Variants in ACSM6 observed in about 807,000 individuals in gnomAD.
ACSM6 encodes the protein acyl-coenzyme A synthetase ACSM6, mitochondrial.
ACSM6 carries 35 observed loss-of-function variants against 51.1 expected under a neutral mutation model. The observed-to-expected ratio is 0.69, with a 90% CI of 0.52 to 0.91. ACSM6 has a LOEUF of 0.91. ACSM6 is among the 40% of genes least tolerant of loss of function. The pLI is 0.00. For missense variants in ACSM6, 509 were observed against 584.1 expected, an observed-to-expected ratio of 0.87 and a Z score of 1.32; for synonymous variants, 172 against 207.3, an observed-to-expected ratio of 0.83 and a Z score of 1.46.
intron 4 of ACSM6, among the ~76,000 whole-genome samples, chr10:95,208,429 T>C (rs1187365226): frequency 2.6e-5 from 4 of 152,156 alleles, no homozygotes; most frequent in Admixed American, 6.5e-5. Flanking sequence ...CATATATATA[T>C]GCAATATCCA....
At chr10:95,214,656 G>C (rs2034925896) in intron 7 of ACSM6, among the ~76,000 whole-genome samples, 196 bp from the exon 8 acceptor site, 2 of 152,154 alleles carry the variant, frequency 1.3e-5, no homozygotes, top group Non-Finnish European at 2.9e-5. Context: ...GTAAATGAGA[G>C]TCTTCATGGA....
chr10:95,200,403 C>T (rs751516363), intron 2 of ACSM6, among the ~76,000 whole-genome samples: 36 of 151,222 alleles, frequency 2.4e-4, no homozygotes, highest in African/African-American at 6.6e-4. Context: ...TGCTGAATGA[C>T]GAGTTAATGG....
intron 3 of ACSM6, among the ~76,000 whole-genome samples, chr10:95,206,575 G>A (rs2034840751): frequency 6.6e-6 from 1 of 152,182 alleles, no homozygotes; most frequent in Non-Finnish European, 1.5e-5. Context: ...GTAGTTGGGA[G>A]TGTAAGCATT....
chr10:95,226,212 T>A (rs1318417257), intron 10 of ACSM6: 1 of 152,220 alleles, frequency 6.6e-6, no homozygotes, highest in Non-Finnish European at 1.5e-5. Context: ...TATTCTCCAA[T>A]TAACTTTCAC....
chr10:95,212,065 G>C (rs2034898614), intron 6 of ACSM6, 31 bp downstream of exon 6: 1 of 1,612,866 alleles, frequency 6.2e-7, no homozygotes, highest in Non-Finnish European at 8.5e-7. Context: ...GGAATGTGTG[G>C]GACAAAGGCC....
chr10:95,213,763 C>G (rs1393707242), intron 7 of ACSM6, among the ~76,000 whole-genome samples: 1 of 152,134 alleles, frequency 6.6e-6, no homozygotes, highest in Non-Finnish European at 1.5e-5. Flanking sequence ...GGTTCTCAAT[C>G]ATTGTATCAA....
intron 3 of ACSM6, among the ~76,000 whole-genome samples, chr10:95,206,025 T>C (rs2034836089): frequency 6.6e-6 from 1 of 152,220 alleles, no homozygotes; most frequent in Non-Finnish European, 1.5e-5. Flanking sequence ...ATTTATATAC[T>C]ATAAAATTCA....
chr10:95,221,612 T>C (rs2034995951), intron 9 of ACSM6, among the ~76,000 whole-genome samples: 1 of 151,922 alleles, frequency 6.6e-6, no homozygotes, highest in Non-Finnish European at 1.5e-5. Context: ...AAAAAAATTA[T>C]ATGTCAACAA....
chr10:95,206,133 AAG>A (rs777970342), intron 3 of ACSM6, among the ~76,000 whole-genome samples: 1 of 152,196 alleles, frequency 6.6e-6, no homozygotes, highest in Non-Finnish European at 1.5e-5. Context: ...TCACCCCAAA[AAG>A]AAACCCATTA....
intron 3 of ACSM6, among the ~76,000 whole-genome samples, chr10:95,205,760 G>A (rs2034833263): frequency 6.6e-6 from 1 of 152,172 alleles, no homozygotes. Context: ...ATCTAAGGGT[G>A]GGGGCACTTG....
chr10:95,225,470 A>T, intron 10 of ACSM6, 79 bp downstream of exon 10: 18 of 1,028,184 alleles, frequency 1.8e-5, no homozygotes, highest in Non-Finnish European at 2.3e-5. Context: ...GTACTTTATG[A>T]TTTGCCAAAT....
chr10:95,209,544 G>A (rs138550807), intron 4 of ACSM6, among the ~76,000 whole-genome samples: 6 of 152,230 alleles, frequency 3.9e-5, no homozygotes, highest in South Asian at 2.1e-4. Flanking sequence ...AGGCCGTGCC[G>A]GTGTGGACCA....
chr10:95,208,628 C>T (rs976125224), intron 4 of ACSM6, among the ~76,000 whole-genome samples: 1 of 152,120 alleles, frequency 6.6e-6, no homozygotes, highest in East Asian at 1.9e-4. Context: ...GGTCAACTAC[C>T]GTCCAAAATA....
exon 5 of ACSM6, chr10:95,210,748 A>T (rs2034885535): frequency 6.2e-7 from 1 of 1,614,000 alleles, no homozygotes. Context: ...AAAATGGTCG[A>T]GTATTCCCAG....
chr10:95,200,248 C>G (rs1233933139), intron 2 of ACSM6, among the ~76,000 whole-genome samples: 1 of 147,438 alleles, frequency 6.8e-6, no homozygotes, highest in Non-Finnish European at 1.5e-5. Flanking sequence ...ATCGCAAGGA[C>G]AAAAAACCAA....
At position 95,207,279 on chromosome 10, in the gene ACSM6, GC is replaced by G. The variant is rs1353352152; in HGVS notation, c.478del (p.Gln160SerfsTer13). 3.7e-6 allele frequency: 6 copies of G among 1,613,970 alleles called. No individual in the cohort carries two copies. The African/African-American group carries it at 8.0e-5, about 22-fold the overall frequency. On this transcript the variant is annotated frameshift_variant, in exon 4 of 11. Coordinates refer to ENST00000341686, the Ensembl canonical transcript of ACSM6. LOFTEE classifies it high-confidence loss of function. ...TCGCTATCAATTACGCATGTCTAAG[GC>G]CCAGTGCATTGTGGCTAATGAAGCT...
intron 4 of ACSM6, among the ~76,000 whole-genome samples, chr10:95,208,830 G>T (rs768232089): frequency 2.4e-4 from 36 of 149,314 alleles, no homozygotes; most frequent in Non-Finnish European, 4.3e-4. Flanking sequence ...TCCACTGAGG[G>T]TCTTGGGACA....
intron 2 of ACSM6, 36 bp from the exon 3 acceptor site, chr10:95,201,949 G>A (rs1249451363): frequency 2.2e-5 from 33 of 1,532,488 alleles, no homozygotes; most frequent in African/African-American, 4.1e-5. Flanking sequence ...TGTCCATGCT[G>A]ACTAATATTC....
Position 95,219,874 on chromosome 10 carries a change from T to A in ACSM6, c.1120-17T>A, listed in dbSNP as rs762261459. 18 of 1,599,024 alleles carry A rather than the reference T, an allele frequency of 1.1e-5. No homozygotes were observed. The highest frequency in any genetic ancestry group is 3.3e-4 in the Middle Eastern group (2 of 6,032). ...TTGCTTTTTTAAAGAAAAACTTGTC[T>A]GCATTTCTTTGAACAGGGTCTACTC... On this transcript the variant is annotated splice_polypyrimidine_tract_variant and intron_variant, in intron 8 of 10. Coordinates refer to ENST00000341686, the Ensembl canonical transcript of ACSM6.
Sources: gnomAD v4.1 joint callset for allele counts (sites outside exome capture counted in the v4.1 genomes callset) on GRCh38, gnomAD v4.1.1 for gene constraint, MANE v1.5 for transcripts, NCBI Gene and HGNC (gene_info 2026-07-23, HGNC 2026-07-21) for gene names.